Variants in SCAPER observed in about 807,000 individuals in gnomAD.
SCAPER encodes S phase cyclin A-associated protein in the endoplasmic reticulum.
SCAPER carries 98 observed loss-of-function variants against 182.2 expected under a neutral mutation model. The ratio of observed to expected loss-of-function variants is 0.54; its 90% CI spans 0.46 to 0.64. The LOEUF is 0.64. Among genes scored for constraint, SCAPER ranks in the 30% least tolerant of loss-of-function variants. The probability of loss-of-function intolerance (pLI) is 0.00; values close to 1 mark genes in which losing one functional copy is unlikely to be tolerated. For missense variants in SCAPER, 1,432 were observed against 1,690.0 expected, an observed-to-expected ratio of 0.85 and a Z score of 2.68; for synonymous variants, 605 against 564.6, an observed-to-expected ratio of 1.07 and a Z score of -1.01.
intron 15 of SCAPER, among the ~76,000 whole-genome samples, chr15:76,737,151 C>T (rs1264376231): frequency 6.6e-6 from 1 of 152,156 alleles, no homozygotes; most frequent in Admixed American, 6.5e-5. Context: ...GTCTTAATTT[C>T]CTTTGCCCAG....
chr15:76,615,665 A>G (rs529343915), intron 22 of SCAPER, among the ~76,000 whole-genome samples: 310 of 151,090 alleles, frequency 2.1e-3, no homozygotes, highest in Non-Finnish European at 3.6e-3. Context: ...CTAAAAATAC[A>G]AAAAACTAGC....
intron 14 of SCAPER, among the ~76,000 whole-genome samples, chr15:76,764,436 G>T (rs1386036503): frequency 6.6e-6 from 1 of 152,262 alleles, no homozygotes; most frequent in South Asian, 2.1e-4. Flanking sequence ...TGTGGCAATG[G>T]GGGCCATGGC....
rs371582978 is a variant in SCAPER, at chr15:76,730,273, AT to A, written c.2023-1537del. Among the ~76,000 whole-genome samples, 353 of 152,186 alleles carry A rather than the reference AT, an allele frequency of 2.3e-3. 2 individuals are homozygous for A. The highest frequency in any genetic ancestry group is 8.1e-3 in the African/African-American group (335 of 41,520). On this transcript the variant is annotated intron_variant, in intron 16 of 31. Transcript: ENST00000563290. ...AAGCCTTTTAAAAATAGCCAAAAGG[AT>A]CTCTATTTCTTTCTTTTTTTTTTGA...
chr15:76,356,348 TAGGGTTGTCTTGAG>T (rs1445862980), intron 29 of SCAPER, among the ~76,000 whole-genome samples: 1 of 151,898 alleles, frequency 6.6e-6, no homozygotes, highest in African/African-American at 2.4e-5. Flanking sequence ...GGGTTTTGAG[TAGGGTTGTCTTGAG>T]AGGGTTGTCT....
chr15:76,558,672 G>T (rs1166276239), intron 23 of SCAPER, among the ~76,000 whole-genome samples: 1 of 152,144 alleles, frequency 6.6e-6, no homozygotes, highest in Admixed American at 6.5e-5. Flanking sequence ...ATTATTGGGT[G>T]TATTCCCAAA....
chr15:76,644,052 G>T (rs1054485751), intron 21 of SCAPER, among the ~76,000 whole-genome samples: 1 of 152,096 alleles, frequency 6.6e-6, no homozygotes, highest in African/African-American at 2.4e-5. Context: ...AGAATAATTA[G>T]TATTCTTTGA....
At chr15:76,560,260 C>G (rs957018969) in intron 23 of SCAPER, among the ~76,000 whole-genome samples, 1 of 152,118 alleles carries the variant, frequency 6.6e-6, no homozygotes, top group African/African-American at 2.4e-5. Context: ...TCCTATCCTA[C>G]TTTTCAAAGG....
At chr15:76,901,038 G>C (rs1439646259) in intron 1 of SCAPER, among the ~76,000 whole-genome samples, 2 of 152,052 alleles carry the variant, frequency 1.3e-5, no homozygotes, top group African/African-American at 4.8e-5. Flanking sequence ...TCACATTTTT[G>C]CTAATTGAAA....
intron 15 of SCAPER, 91 bp downstream of exon 15, chr15:76,753,717 T>A (rs146555619): frequency 3.6e-6 from 5 of 1,386,890 alleles, no homozygotes; most frequent in Non-Finnish European, 4.9e-6. Flanking sequence ...AGAATAAACA[T>A]TGGATAAACA....
chr15:76,649,709 A>AT (rs397780235), intron 21 of SCAPER, among the ~76,000 whole-genome samples: 2 of 151,304 alleles, frequency 1.3e-5, no homozygotes, highest in Non-Finnish European at 2.9e-5. Flanking sequence ...CATTAAAAAA[A>AT]CACAATAACA....
At chr15:76,396,522 T>C (rs2044070359) in intron 27 of SCAPER, among the ~76,000 whole-genome samples, 1 of 152,210 alleles carries the variant, frequency 6.6e-6, no homozygotes, top group African/African-American at 2.4e-5. Context: ...ATAGTTTTCA[T>C]TGTAGAAATC....
At chr15:76,412,206 G>C (rs2045337623) in intron 26 of SCAPER, among the ~76,000 whole-genome samples, 1 of 152,134 alleles carries the variant, frequency 6.6e-6, no homozygotes, top group South Asian at 2.1e-4. Flanking sequence ...GAGGTTGCTA[G>C]AGGTTGTGGG....
chr15:76,532,933 T>C (rs369508677), intron 23 of SCAPER, among the ~76,000 whole-genome samples: 1 of 152,238 alleles, frequency 6.6e-6, no homozygotes, highest in South Asian at 2.1e-4. Flanking sequence ...TTAACACTTA[T>C]TTAGCCCTAC....
At chr15:76,503,253 G>A (rs952494120) in intron 24 of SCAPER, among the ~76,000 whole-genome samples, 1 of 151,942 alleles carries the variant, frequency 6.6e-6, no homozygotes, top group Admixed American at 6.6e-5. Context: ...TTAACATACA[G>A]TAAGTGAAGA....
chr15:76,689,702 A>C lies in SCAPER; in HGVS notation c.2508+12056T>G, dbSNP rs533491415. Among the ~76,000 whole-genome samples the C allele has an allele frequency of 5.3e-5, 8 of 151,932 alleles. No homozygotes were observed. The East Asian group carries it at 1.5e-3, about 29-fold the overall frequency. ...GTTATCCTTGAAAACAAAAAAAAAA[A>C]CAGAGCTCCTTGGAGAAGTGGCTGA... On this transcript the variant is annotated intron_variant, in intron 20 of 31. Coordinates refer to ENST00000563290, the MANE Select transcript of SCAPER (RefSeq NM_020843.4).
At chr15:76,888,213 A>G (rs1344260159) in intron 1 of SCAPER, among the ~76,000 whole-genome samples, 2 of 152,234 alleles carry the variant, frequency 1.3e-5, no homozygotes, top group African/African-American at 4.8e-5. Flanking sequence ...AAAACCACAA[A>G]GATGGGGAGA....
At position 76,761,180 on chromosome 15, in the gene SCAPER, T is replaced by C. The variant is rs138946010; in HGVS notation, c.1725+3781A>G. Among the ~76,000 whole-genome samples, 1,232 of 152,272 alleles carry C rather than the reference T, an allele frequency of 8.1e-3. 12 individuals are homozygous for C. Among genetic ancestry groups the C allele is most frequent in the African/African-American group, 0.028 (1,168 of 41,580 alleles). On this transcript the variant is annotated intron_variant, in intron 14 of 31. Coordinates refer to ENST00000563290, the MANE Select transcript of SCAPER (RefSeq NM_020843.4). ...ATAGTTCTTTATGATCCTTTTTGTT[T>C]CTCTGTTATCCATTGTAATGACTCT...
At position 76,883,890 on chromosome 15, in the gene SCAPER, T is replaced by C; in HGVS notation, c.-59-14A>G. The stretch of plus-strand genomic sequence containing the variant: ...GGAGTATGACTCCTACAATAAAAAA[T>C]ATATATACGCTTAGTTATAACATTA... On this transcript the variant is annotated splice_polypyrimidine_tract_variant and intron_variant, in intron 1 of 31. Transcript: ENST00000563290. The C allele has an allele frequency of 9.0e-7, 1 of 1,107,652 alleles. No individual in the cohort carries two copies. The highest frequency in any genetic ancestry group is 1.3e-6 in the Non-Finnish European group (1 of 773,306). The allele number at this position is 1,107,652 out of a possible 1,614,324, so 68.6% of individuals were successfully genotyped here.
intron 23 of SCAPER, among the ~76,000 whole-genome samples, chr15:76,506,348 A>G (rs1438143388): frequency 6.6e-6 from 1 of 152,184 alleles, no homozygotes; most frequent in East Asian, 1.9e-4. Context: ...TTGTATGCCT[A>G]TATCAAAATA....
Sources: gnomAD v4.1 joint callset for allele counts (sites outside exome capture counted in the v4.1 genomes callset) on GRCh38, gnomAD v4.1.1 for gene constraint, MANE v1.5 for transcripts, NCBI Gene and HGNC (gene_info 2026-07-23, HGNC 2026-07-21) for gene names.